Variants in OCLN observed in about 807,000 individuals in gnomAD.
OCLN encodes phosphatase 1, regulatory subunit 115.
In OCLN, 21 loss-of-function variants were observed where a neutral mutation model predicts 47.9. That is an observed-to-expected ratio of 0.44 (90% CI 0.31 to 0.63). The LOEUF (loss-of-function observed/expected upper bound fraction) is 0.63, where lower values mean the gene tolerates loss of function less well. Among genes scored for constraint, OCLN ranks in the 30% least tolerant of loss-of-function variants. OCLN has a pLI of 0.08. For missense variants in OCLN, 360 were observed against 571.0 expected (o/e 0.63, Z 3.77); for synonymous variants, 117 against 198.4 (o/e 0.59, Z 3.45).
chr5:69,500,568 T>G (rs1768429502), intron 1 of OCLN, among the ~76,000 whole-genome samples: 1 of 151,952 alleles, frequency 6.6e-6, no homozygotes, highest in Admixed American at 6.6e-5. Flanking sequence ...GCCCCTCTAA[T>G]TTTTTGTATT....
chr5:69,519,307 C>T (rs1769066887), intron 4 of OCLN, among the ~76,000 whole-genome samples: 1 of 152,212 alleles, frequency 6.6e-6, no homozygotes, highest in Non-Finnish European at 1.5e-5. Context: ...CCTGCCCTCC[C>T]ACCTCTCAGA....
chr5:69,548,922 T>C lies in OCLN; in HGVS notation c.1425+821T>C, dbSNP rs1289239707. 4.0e-5 allele frequency among the ~76,000 whole-genome samples: 6 copies of C among 148,366 alleles called. No individual in the cohort carries two copies. In the East Asian group the frequency reaches 6.2e-4, roughly 15 times the overall value. ...GTTGCAGTGAGCCAAGATTGCGCCA[T>C]TGCACTCCAGCCTGGGCGACAGAGT... On this transcript the variant is annotated intron_variant, in intron 7 of 8. Transcript: ENST00000396442.
intron 1 of OCLN, among the ~76,000 whole-genome samples, chr5:69,494,783 C>G (rs1580537796): frequency 1.3e-5 from 2 of 152,224 alleles, no homozygotes; most frequent in East Asian, 3.8e-4. Context: ...ATCCCAACAA[C>G]TCTAAAAGGC....
intron 4 of OCLN, among the ~76,000 whole-genome samples, chr5:69,515,579 C>A (rs1310547983): frequency 1.1e-5 from 1 of 94,546 alleles, no homozygotes; most frequent in East Asian, 4.1e-4. Context: ...GCTGGCCGGG[C>A]GGGGGGCTGA....
chr5:69,498,784 A>T (rs1768374950), intron 1 of OCLN, among the ~76,000 whole-genome samples: 1 of 151,966 alleles, frequency 6.6e-6, no homozygotes, highest in Non-Finnish European at 1.5e-5. Flanking sequence ...GGCTCAAGCG[A>T]TTCTCCTGCC....
intron 4 of OCLN, among the ~76,000 whole-genome samples, chr5:69,518,152 T>A (rs1011534654): frequency 6.6e-6 from 1 of 152,212 alleles, no homozygotes; most frequent in Non-Finnish European, 1.5e-5. Context: ...GAGGTGATGA[T>A]GATTAAGGTG....
Position 69,553,775 on chromosome 5 carries a change from T to G in OCLN, c.*104T>G. Reference sequence around the variant, plus strand: ...CATAACCCCGGAAGCCAAACCTCTGTGAGCATCACAAAGTTTTGGTTGCTT... The same window carrying G: ...CATAACCCCGGAAGCCAAACCTCTGGGAGCATCACAAAGTTTTGGTTGCTT... On this transcript the variant is annotated 3_prime_UTR_variant, in exon 9 of 9. Transcript: ENST00000396442. 6.3e-7 allele frequency: 1 copy of G among 1,582,848 alleles called. No homozygotes were observed. The highest frequency in any genetic ancestry group is 1.1e-5 in the South Asian group (1 of 88,740).
At chr5:69,495,117 A>G (rs1279592411) in intron 1 of OCLN, among the ~76,000 whole-genome samples, 1 of 152,230 alleles carries the variant, frequency 6.6e-6, no homozygotes, top group African/African-American at 2.4e-5. Flanking sequence ...AATATCTTTC[A>G]TCTTCCTAGG....
intron 7 of OCLN, among the ~76,000 whole-genome samples, chr5:69,548,813 G>T (rs1214279435): frequency 6.7e-6 from 1 of 150,370 alleles, no homozygotes; most frequent in South Asian, 2.1e-4. Flanking sequence ...ACAAAAAATA[G>T]CAGGGCATGG....
intron 4 of OCLN, among the ~76,000 whole-genome samples, chr5:69,514,988 A>G (rs1001125821): frequency 3.3e-5 from 5 of 152,058 alleles, no homozygotes; most frequent in African/African-American, 1.2e-4. Flanking sequence ...CCCCCTTTCT[A>G]TTCCACAAAA....
chr5:69,510,657 C>T (rs1768754820), intron 3 of OCLN, among the ~76,000 whole-genome samples: 1 of 152,096 alleles, frequency 6.6e-6, no homozygotes, highest in Non-Finnish European at 1.5e-5. Context: ...GCACTCCAGC[C>T]TGAGCGACAG....
intron 4 of OCLN, among the ~76,000 whole-genome samples, chr5:69,522,231 A>T (rs1769157636): frequency 6.6e-6 from 1 of 152,214 alleles, no homozygotes; most frequent in South Asian, 2.1e-4. Context: ...AGGTTTAAAT[A>T]ATACCCTCCT....
rs1291885236 is a variant in OCLN, at chr5:69,516,490, A to AGAGAGGGAGAGGGAGACCGTGGG, written c.891+2395_891+2417dup. Among the ~76,000 whole-genome samples, 10 of 152,046 alleles carry AGAGAGGGAGAGGGAGACCGTGGG rather than the reference A, an allele frequency of 6.6e-5. 1 individual carries two copies. Among genetic ancestry groups the AGAGAGGGAGAGGGAGACCGTGGG allele is most frequent in the African/African-American group, 2.4e-4 (10 of 41,504 alleles). On this transcript the variant is annotated intron_variant, in intron 4 of 8. Transcript: ENST00000396442. Reference sequence around the variant, plus strand: ...TCGGCATCAGTGGGAGACCGTGGAAAGAGAGGGAGAGGGAGACCGTGGGGA... The same window carrying AGAGAGGGAGAGGGAGACCGTGGG: ...TCGGCATCAGTGGGAGACCGTGGAAAGAGAGGGAGAGGGAGACCGTGGGGAGAGGGAGAGGGAGACCGTGGGGA...
At chr5:69,527,468 G>A (rs188078928) in intron 4 of OCLN, among the ~76,000 whole-genome samples, 1 of 152,276 alleles carries the variant, frequency 6.6e-6, no homozygotes, top group African/African-American at 2.4e-5. Flanking sequence ...AGCTGCAGTT[G>A]TTTTCTTTTT....
At position 69,548,079 on chromosome 5, in the gene OCLN, G is replaced by A. The variant is rs1286187665; in HGVS notation, c.1403G>A (p.Arg468Lys). 2 of 562,408 alleles carry A rather than the reference G, an allele frequency of 3.6e-6. No individual in the cohort carries two copies. The highest frequency in any genetic ancestry group is 4.2e-5 in the South Asian group (2 of 47,840). The allele number at this position is 562,408 out of a possible 1,614,324, so 34.8% of individuals were successfully genotyped here. A position where few individuals can be genotyped will look rare whatever the true frequency, so the allele number is the denominator to read the frequency against. The change falls in exon 7 of 9, where the codon AGA becomes AAA. Residue 468 changes from arginine (R) to lysine (K), a missense_variant. Physicochemically the swap from Arg to Lys is conservative, Grantham distance 26. This residue lies in a region of OCLN where 25 missense variants were observed against 43.9 expected (regional missense o/e 0.57). Coordinates refer to ENST00000396442, the MANE Select transcript of OCLN (RefSeq NM_001205254.2). Reference protein sequence around the residue: ...SRLDKELDDYREESEEYMAAA... With the variant: ...SRLDKELDDYKEESEEYMAAA... ...TTGGATAAAGAATTGGATGACTATA[G>A]AGAAGAAAGTGAAGAGTACATGGTA...
intron 2 of OCLN, among the ~76,000 whole-genome samples, chr5:69,507,857 C>G (rs933524529): frequency 6.6e-6 from 1 of 152,196 alleles, no homozygotes; most frequent in African/African-American, 2.4e-5. Flanking sequence ...CCACCCGCCT[C>G]GGCCTCCCAG....
chr5:69,517,295 AAT>A (rs202209882), intron 4 of OCLN, among the ~76,000 whole-genome samples: 12,942 of 112,322 alleles, frequency 0.12, 1,275 homozygotes, highest in African/African-American at 0.27. Context: ...TAAAGACATT[AAT>A]ATATATATAT....
intron 3 of OCLN, among the ~76,000 whole-genome samples, chr5:69,510,188 T>G (rs548017672): frequency 6.6e-6 from 1 of 152,170 alleles, no homozygotes; most frequent in African/African-American, 2.4e-5. Flanking sequence ...TTGTCTATTC[T>G]CTAGGTATTT....
At chr5:69,492,603 C>G (rs1182274318), upstream of OCLN, 1 of 152,418 alleles carries the variant, frequency 6.6e-6, no homozygotes, top group Non-Finnish European at 1.5e-5. Flanking sequence ...CTGGCGGAGG[C>G]GGCAGGAACC....
Sources: allele counts gnomAD v4.1 joint callset (sites outside exome capture counted in the v4.1 genomes callset), GRCh38; gene constraint gnomAD v4.1.1; regional missense constraint gnomAD v4.1.1; transcripts MANE v1.5; gene names NCBI Gene and HGNC (gene_info 2026-07-23, HGNC 2026-07-21).